Variants in VPS54 observed in about 807,000 individuals in gnomAD.
VPS54 encodes vacuolar protein sorting-associated protein 54.
Under a neutral mutation model 121.5 loss-of-function variants are expected in VPS54, and 45 were observed. The observed-to-expected ratio is 0.37, with a 90% confidence interval of 0.29 to 0.47. VPS54 has a LOEUF of 0.47. Among genes scored for constraint, VPS54 ranks in the 20% least tolerant of loss-of-function variants. The pLI is 0.99. For synonymous variants in VPS54, 371 were observed against 385.8 expected (o/e 0.96, Z 0.45); for missense variants, 1,090 against 1,131.4 (o/e 0.96, Z 0.52).
rs766881252 is a variant in VPS54, at chr2:63,899,609, G to A, written c.2626-28C>T. 45 of 1,569,760 alleles carry A rather than the reference G, an allele frequency of 2.9e-5. 1 individual carries two copies. The South Asian group carries it at 4.9e-4, about 17-fold the overall frequency. On this transcript the variant is annotated intron_variant, in intron 20 of 22. Coordinates refer to ENST00000272322, the MANE Select transcript of VPS54 (RefSeq NM_016516.3). ...GGTAGGAAAAAATAATGAGAATTAT[G>A]TTCATGTCCTCTGAATTGCATAATG...
intron 20 of VPS54, among the ~76,000 whole-genome samples, chr2:63,908,182 G>C (rs1216044848): frequency 1.3e-5 from 2 of 152,094 alleles, no homozygotes; most frequent in Non-Finnish European, 1.5e-5. Flanking sequence ...CTATCAATTG[G>C]TGAATGGATA....
intron 1 of VPS54, among the ~76,000 whole-genome samples, chr2:63,988,221 T>C (rs945491935): frequency 1.2e-4 from 19 of 152,232 alleles, no homozygotes; most frequent in African/African-American, 4.1e-4. Context: ...GGGTTTTTAT[T>C]ATGAAAGGAT....
chr2:64,018,670 A>C (rs1352564653), intron 1 of VPS54, among the ~76,000 whole-genome samples: 2 of 151,672 alleles, frequency 1.3e-5, no homozygotes, highest in African/African-American at 2.4e-5. Context: ...AGAGAGGGGC[A>C]AGAGCGGCGT....
rs749514550 is a variant in VPS54 at position 63,961,488 on chromosome 2, C to T, written c.1010+570G>A. Among the ~76,000 whole-genome samples, 31 of 150,948 alleles carry T rather than the reference C, an allele frequency of 2.1e-4. 1 individual carries two copies. Among genetic ancestry groups the T allele is most frequent in the Non-Finnish European group, 3.1e-4 (21 of 67,436 alleles). On this transcript the variant is annotated intron_variant, in intron 7 of 22. Coordinates refer to ENST00000272322, the MANE Select transcript of VPS54 (RefSeq NM_016516.3). ...GATACTGCAAGCCTGCTTAATGGAA[C>T]GAAATTTTGATGGCTTGCAATTAGT... is the stretch of plus-strand genomic sequence containing the variant.
chr2:63,978,199 C>G (rs1037532112), intron 3 of VPS54, among the ~76,000 whole-genome samples: 1 of 152,228 alleles, frequency 6.6e-6, no homozygotes, highest in African/African-American at 2.4e-5. Context: ...CTTCCAAGCT[C>G]CTTACATGAC....
At chr2:63,897,411 C>A (rs1672491303) in intron 22 of VPS54, 85 bp downstream of exon 22, 9 of 953,996 alleles carry the variant, frequency 9.4e-6, no homozygotes, top group Admixed American at 2.9e-5. Flanking sequence ...GTGATTACAG[C>A]AGAAAAGGAT....
chr2:63,939,388 CA>C (rs1171340182), intron 11 of VPS54, among the ~76,000 whole-genome samples: 1 of 151,396 alleles, frequency 6.6e-6, no homozygotes, highest in Non-Finnish European at 1.5e-5. Flanking sequence ...AACAAAAAAA[CA>C]AAAAAAGCGT....
intron 1 of VPS54, among the ~76,000 whole-genome samples, chr2:63,998,937 T>C (rs1178535529): frequency 6.6e-6 from 1 of 152,174 alleles, no homozygotes; most frequent in Non-Finnish European, 1.5e-5. Flanking sequence ...TTCTTTTTTA[T>C]TGAAGTACAT....
chr2:63,958,783 A>C (rs768757247), intron 7 of VPS54, among the ~76,000 whole-genome samples: 1 of 152,224 alleles, frequency 6.6e-6, no homozygotes, highest in Non-Finnish European at 1.5e-5. Context: ...AACTTGGACT[A>C]AGATTCATAA....
At chr2:63,996,433 A>C (rs888386712) in intron 1 of VPS54, among the ~76,000 whole-genome samples, 4 of 152,162 alleles carry the variant, frequency 2.6e-5, no homozygotes, top group African/African-American at 9.7e-5. Context: ...GATTGCGTTA[A>C]CTGCACAAAT....
intron 7 of VPS54, among the ~76,000 whole-genome samples, chr2:63,957,407 A>C (rs933122761): frequency 2.0e-5 from 3 of 147,634 alleles, no homozygotes; most frequent in African/African-American, 7.5e-5. Flanking sequence ...GCACCACTGC[A>C]CTCCAGCCTG....
intron 12 of VPS54, among the ~76,000 whole-genome samples, chr2:63,928,742 G>A (rs577360696): frequency 9.2e-5 from 14 of 151,496 alleles, no homozygotes; most frequent in South Asian, 6.3e-4. Context: ...AAGACCCATC[G>A]GTGTGCTACA....
At chr2:63,982,195 C>CT (rs893159798) in intron 2 of VPS54, among the ~76,000 whole-genome samples, 14 of 123,018 alleles carry the variant, frequency 1.1e-4, no homozygotes, top group African/African-American at 3.1e-4. Context: ...ATTACTCTAT[C>CT]TTTTTTTTTC....
intron 1 of VPS54, among the ~76,000 whole-genome samples, chr2:64,009,118 T>C (rs1287987529): frequency 6.6e-6 from 1 of 152,196 alleles, no homozygotes; most frequent in Admixed American, 6.5e-5. Flanking sequence ...CACTACTCCT[T>C]CCCACCCATT....
At chr2:63,924,495 T>C (rs1279286228) in intron 12 of VPS54, among the ~76,000 whole-genome samples, 7 of 152,072 alleles carry the variant, frequency 4.6e-5, no homozygotes, top group South Asian at 2.1e-4. Flanking sequence ...AGAAGAAAAA[T>C]TGGGAGAAAT....
intron 7 of VPS54, among the ~76,000 whole-genome samples, chr2:63,960,738 A>G (rs1675730969): frequency 6.6e-6 from 1 of 152,248 alleles, no homozygotes; most frequent in African/African-American, 2.4e-5. Context: ...TTGAAAAAAT[A>G]CATACGACAT....
intron 12 of VPS54, among the ~76,000 whole-genome samples, chr2:63,923,747 T>C (rs1463746031): frequency 6.6e-6 from 1 of 152,256 alleles, no homozygotes; most frequent in Non-Finnish European, 1.5e-5. Flanking sequence ...TTTCCTATTC[T>C]GTGCCTTATT....
chr2:63,965,814 A>C, intron 6 of VPS54, 21 bp downstream of exon 6: 1 of 1,608,196 alleles, frequency 6.2e-7, no homozygotes, highest in Non-Finnish European at 8.5e-7. Flanking sequence ...TCCTACATGG[A>C]AAAAGTCAAA....
chr2:63,966,026 T>C (rs1174212554), intron 5 of VPS54, 60 bp from the exon 6 acceptor site: 4 of 1,507,114 alleles, frequency 2.7e-6, no homozygotes, highest in Non-Finnish European at 3.6e-6. Context: ...CCATTATCTC[T>C]TCTAACATCA....
Sources: gnomAD v4.1 joint callset for allele counts (sites outside exome capture counted in the v4.1 genomes callset) on GRCh38, gnomAD v4.1.1 for gene constraint, MANE v1.5 for transcripts, NCBI Gene and HGNC (gene_info 2026-07-23, HGNC 2026-07-21) for gene names.